Variants in MCM2 observed in about 807,000 individuals in gnomAD.
MCM2 encodes the protein minichromosome maintenance complex component 2, also known as DNA replication licensing factor MCM2.
Under a neutral mutation model 86.4 loss-of-function variants are expected in MCM2, and 49 were observed. The observed-to-expected ratio is 0.57, with a 90% CI of 0.45 to 0.72. The LOEUF (loss-of-function observed/expected upper bound fraction) is 0.72. MCM2 is among the 30% of genes least tolerant of loss of function. MCM2 has a pLI of 0.00. For synonymous variants in MCM2, 475 were observed against 484.6 expected (o/e 0.98, Z 0.26); for missense variants, 1,038 against 1,259.9 (o/e 0.82, Z 2.67).
At position 127,618,057 on chromosome 3, in the gene MCM2, G is replaced by A; in HGVS notation, c.1989G>A (p.Val663=). 2 of 1,614,046 alleles carry A rather than the reference G, an allele frequency of 1.2e-6. No individual in the cohort carries two copies. The highest frequency in any genetic ancestry group is 1.1e-5 in the South Asian group (1 of 91,062). ...IISRFDILCV[V]RDTVDPVQDE... ...CACGCTTTGACATCCTGTGTGTGGTGAGGGACACCGTGGACCCAGTCCAGG... is the reference window on the plus strand; with the variant it reads ...CACGCTTTGACATCCTGTGTGTGGTAAGGGACACCGTGGACCCAGTCCAGG... Residue 663 remains valine (V), a synonymous_variant, in exon 12 of 16, where the codon GTG becomes GTA. Coordinates refer to ENST00000265056, the MANE Select transcript of MCM2 (RefSeq NM_004526.4). This position sits in a 1 kb window ranked among gnomAD's most constrained non-coding sequence, Gnocchi z 4.0.
At chr3:127,603,437 C>T (rs1362768116) in intron 2 of MCM2, among the ~76,000 whole-genome samples, 1 of 152,054 alleles carries the variant, frequency 6.6e-6, no homozygotes, top group Admixed American at 6.5e-5. Context: ...GCTAGGATTA[C>T]AGGCATGAGC....
In MCM2 at chr3:127,620,767, C is replaced by T. The variant is rs763364817; in HGVS notation, c.2335C>T (p.Arg779Cys). The T allele has an allele frequency of 9.9e-6, 16 of 1,614,062 alleles. No individual in the cohort carries two copies. Among genetic ancestry groups the T allele is most frequent in the Admixed American group, 1.7e-5 (1 of 60,020 alleles). Residue 779 changes from arginine (R) to cysteine (C), a missense_variant, in exon 14 of 16, where the codon CGC becomes TGC. Physicochemically the swap from Arg to Cys is radical, Grantham distance 180 (BLOSUM62 -3). Around this residue, in one of 4 missense-constraint regions of MCM2, gnomAD observed 336 missense variants for 425.7 expected, o/e 0.79. Coordinates refer to ENST00000265056, the MANE Select transcript of MCM2 (RefSeq NM_004526.4). ...SMIRMAEAHA[R>C]IHLRDYVIED... ...GATCCGCATGGCGGAGGCCCACGCG[C>T]GCATCCATCTGCGGGACTATGTGAT...
rs3813266 is a variant in MCM2 at position 127,621,245 on chromosome 3, G to A, written c.2604+17G>A. 3.2e-5 allele frequency: 52 copies of A among 1,613,264 alleles called. No homozygotes were observed. The East Asian group carries it at 9.6e-4, about 30-fold the overall frequency. ...GTGGATAAGGTATGGGCCCGGAAGG[G>A]AGGTGAGGGTTGGGGTATGCTGACT... is the stretch of plus-strand genomic sequence containing the variant. On this transcript the variant is annotated intron_variant, in intron 15 of 15. Transcript: ENST00000265056.
At chr3:127,605,860 T>C (rs2107688177) in intron 4 of MCM2, among the ~76,000 whole-genome samples, 1 of 152,348 alleles carries the variant, frequency 6.6e-6, no homozygotes, top group East Asian at 1.9e-4. Flanking sequence ...TTTGTAGCTG[T>C]GTAGGCACTC....
intron 9 of MCM2, among the ~76,000 whole-genome samples, chr3:127,616,588 C>T (rs188872487): frequency 9.3e-4 from 141 of 152,316 alleles, no homozygotes; most frequent in Non-Finnish European, 1.5e-3. Flanking sequence ...CACCAGATAA[C>T]GCAGTTTATT....
Position 127,599,331 on chromosome 3 carries a change from C to A in MCM2, c.20C>A (p.Ser7Tyr), listed in dbSNP as rs2074287101. ...CTTCTCTTGCAGGAATCATCGGAAT[C>A]CTTCACCATGGCATCCAGCCCGGCC... MAESSE[S>Y]FTMASSPAQR... The change falls in exon 2 of 16, where the codon TCC (serine) becomes TAC (tyrosine). Residue 7 changes from serine (S) to tyrosine (Y), a missense_variant. By Grantham distance (144) the Ser-to-Tyr change is moderately radical (BLOSUM62 -2). Transcript: ENST00000265056. 5 of 1,614,162 alleles carry A rather than the reference C, an allele frequency of 3.1e-6. No individual in the cohort carries two copies. The highest frequency in any genetic ancestry group is 4.2e-6 in the Non-Finnish European group (5 of 1,180,002).
At chr3:127,607,496 A>G (rs2074360444) in intron 6 of MCM2, among the ~76,000 whole-genome samples, 1 of 152,156 alleles carries the variant, frequency 6.6e-6, no homozygotes, top group Non-Finnish European at 1.5e-5. Flanking sequence ...AAAATGCCTC[A>G]GAGGTTCCAC....
rs779230747 is a variant in MCM2 at position 127,617,248 on chromosome 3, A to G, written c.1774-31A>G. ...AGACTTAGTAGTAGGGGCGTGAACC[A>G]TGCTAAGGGTGGGCCATTTTAATCT... On this transcript the variant is annotated intron_variant, in intron 10 of 15. Coordinates refer to ENST00000265056, the MANE Select transcript of MCM2 (RefSeq NM_004526.4). The surrounding 1 kb of genome is among the most constrained non-coding windows in gnomAD (Gnocchi z 4.1). The G allele has an allele frequency of 3.1e-6, 5 of 1,613,806 alleles. No homozygotes were observed. Among genetic ancestry groups the G allele is most frequent in the Admixed American group, 1.7e-5 (1 of 60,006 alleles).
intron 8 of MCM2, among the ~76,000 whole-genome samples, chr3:127,611,699 T>A (rs1310666595): frequency 1.7e-5 from 2 of 118,896 alleles, no homozygotes; most frequent in African/African-American, 7.1e-5. Context: ...TTTTTTTTTT[T>A]TTTTTTTTTT....
In MCM2 at chr3:127,617,383, C is replaced by G; in HGVS notation, c.1878C>G (p.Val626=). The G allele has an allele frequency of 6.2e-7, 1 of 1,613,930 alleles. No homozygotes were observed. Among genetic ancestry groups the G allele is most frequent in the Non-Finnish European group, 8.5e-7 (1 of 1,179,946 alleles). Reference sequence around the variant, plus strand: ...CCTCCCTGCAGGCTCGCTGCACGGTCATTGCTGCCGCCAACCCCATAGGTG... The same window carrying G: ...CCTCCCTGCAGGCTCGCTGCACGGTGATTGCTGCCGCCAACCCCATAGGTG... ...IVTSLQARCT[V]IAAANPIGGR... Residue 626 remains valine, a synonymous_variant, in exon 11 of 16, where the codon GTC becomes GTG. Transcript: ENST00000265056. The surrounding 1 kb of genome is among the most constrained non-coding windows in gnomAD (Gnocchi z 4.1).
In MCM2 at chr3:127,606,285, A is replaced by G. The variant is rs750471417; in HGVS notation, c.841A>G (p.Ile281Val). The G allele has an allele frequency of 1.9e-6, 3 of 1,614,192 alleles. No homozygotes were observed. In the East Asian group the frequency reaches 6.7e-5, roughly 36 times the overall value. Reference sequence around the variant, plus strand: ...CAAGTACGACCGCATCACCAACCACATCCATGTCCGCATCTCCCACCTGCC... The same window carrying G: ...CAAGTACGACCGCATCACCAACCACGTCCATGTCCGCATCTCCCACCTGCC... ...YPKYDRITNH[I>V]HVRISHLPLV... is the part of the protein sequence containing the mutation. Residue 281 changes from isoleucine to valine, a missense_variant, in exon 5 of 16, where the codon ATC (isoleucine) becomes GTC (valine). By Grantham distance (29) the Ile-to-Val change is conservative. Transcript: ENST00000265056. This position sits in a 1 kb window ranked among gnomAD's most constrained non-coding sequence, Gnocchi z 4.2.
At position 127,608,938 on chromosome 3, in the gene MCM2, A is replaced by C; in HGVS notation, c.1343A>C (p.Asp448Ala). The change falls in exon 8 of 16, where the codon GAC becomes GCC. Residue 448 changes from aspartate to alanine, a missense_variant. Asp to Ala is a moderately radical substitution (Grantham distance 126). Transcript: ENST00000265056. ...CTAGCCAACCACGTGGCCAAGAAGG[A>C]CAACAAGGTTGCTGTAGGGGAACTG... ...VILANHVAKK[D>A]NKVAVGELTD... is the part of the protein sequence containing the mutation. 6.2e-7 allele frequency: 1 copy of C among 1,614,136 alleles called. No homozygotes were observed. The highest frequency in any genetic ancestry group is 8.5e-7 in the Non-Finnish European group (1 of 1,180,026).
intron 8 of MCM2, chr3:127,611,112 A>C (rs1270011148): frequency 2.6e-6 from 1 of 383,352 alleles, no homozygotes; most frequent in East Asian, 7.2e-5. Flanking sequence ...CAGGCAAAGA[A>C]AGCCAGGACC....
In MCM2 at chr3:127,606,896, G is replaced by T; in HGVS notation, c.1101+79G>T. ...CAGGACCTGACTGGCCTCTCAGGCT[G>T]TGGAAGACCAGTGTGGGCAGCCGCA... On this transcript the variant is annotated intron_variant, in intron 6 of 15. Coordinates refer to ENST00000265056, the MANE Select transcript of MCM2 (RefSeq NM_004526.4). The surrounding 1 kb of genome is among the most constrained non-coding windows in gnomAD (Gnocchi z 4.2). The T allele has an allele frequency of 7.0e-7, 1 of 1,419,928 alleles. No homozygotes were observed. Among genetic ancestry groups the T allele is most frequent in the South Asian group, 1.2e-5 (1 of 85,760 alleles). The allele number at this position is 1,419,928 out of a possible 1,614,324, so 88.0% of individuals were successfully genotyped here.
intron 6 of MCM2, among the ~76,000 whole-genome samples, chr3:127,607,153 C>G (rs1385088452): frequency 6.6e-6 from 1 of 152,216 alleles, no homozygotes; most frequent in East Asian, 1.9e-4. Flanking sequence ...TTACCAGTCT[C>G]CATGGTGCCA....
In MCM2 at chr3:127,620,875, C is replaced by A; in HGVS notation, c.2443C>A (p.Arg815Ser). The A allele has an allele frequency of 6.2e-7, 1 of 1,603,012 alleles. No individual in the cohort carries two copies. ...TQKFSVMRSM[R>S]KTFARYLSFR... is the part of the protein sequence containing the mutation. ...GAAGTTCAGCGTCATGCGCAGCATG[C>A]GCAAGGTGGGTGTGCTCCGAGGTAG... Residue 815 changes from arginine to serine, a missense_variant, in exon 14 of 16, where the codon CGC (arginine) becomes AGC (serine). By Grantham distance (110) the Arg-to-Ser change is moderately radical. Around this residue, in one of 4 missense-constraint regions of MCM2, gnomAD observed 336 missense variants for 425.7 expected, o/e 0.79. Transcript: ENST00000265056.
At chr3:127,621,257 G>A (rs1293620360) in intron 15 of MCM2, 29 bp downstream of exon 15, 2 of 1,611,078 alleles carry the variant, frequency 1.2e-6, no homozygotes, top group African/African-American at 1.3e-5. Context: ...GGTGAGGGTT[G>A]GGGTATGCTG....
rs2074481685 is a variant in MCM2 at position 127,621,940 on chromosome 3, A to G, written c.*167A>G. On this transcript the variant is annotated 3_prime_UTR_variant, in exon 16 of 16. Transcript: ENST00000265056. ...CCTGGCATGACTGTTTGTTTCTCCA[A>G]GCCTGCTTTGTGCTTCTCACCTTTG... The G allele has an allele frequency of 8.7e-6, 5 of 573,988 alleles. No individual in the cohort carries two copies. Among genetic ancestry groups the G allele is most frequent in the Middle Eastern group, 4.6e-4 (1 of 2,188 alleles). 35.6% of individuals were successfully genotyped at this position (573,988 alleles called of 1,614,324 possible).
Position 127,618,892 on chromosome 3 carries a change from G to A in MCM2, c.2014-135G>A. The A allele has an allele frequency of 9.5e-7, 1 of 1,053,820 alleles. No individual in the cohort carries two copies. The highest frequency in any genetic ancestry group is 1.3e-6 in the Non-Finnish European group (1 of 754,100). 65.3% of individuals were successfully genotyped at this position (1,053,820 alleles called of 1,614,324 possible). ...TGCCACCCACACCCAGAACTGCCTG[G>A]CACATGGTCAGTGTAGTCAGTCTTG... is the stretch of plus-strand genomic sequence containing the variant. On this transcript the variant is annotated intron_variant, in intron 12 of 15. Coordinates refer to ENST00000265056, the MANE Select transcript of MCM2 (RefSeq NM_004526.4). This position sits in a 1 kb window ranked among gnomAD's most constrained non-coding sequence, Gnocchi z 4.0.
Sources: allele counts gnomAD v4.1 joint callset (sites outside exome capture counted in the v4.1 genomes callset), GRCh38; gene constraint gnomAD v4.1.1; regional missense constraint gnomAD v4.1.1; non-coding constraint Gnocchi (gnomAD v3.1); transcripts MANE v1.5; gene names NCBI Gene and HGNC (gene_info 2026-07-23, HGNC 2026-07-21).